The following CNPY1 variants were observed in gnomAD, a reference collection of about 807,000 sequenced individuals.
CNPY1 encodes canopy FGF signaling regulator 1.
CNPY1 carries 14 observed loss-of-function variants against 14.4 expected under a neutral mutation model. That is an observed-to-expected ratio of 0.97 (90% CI 0.64 to 1.52). The LOEUF is 1.52. CNPY1 is among the 40% of genes most tolerant of loss of function. CNPY1 has a pLI of 0.00. For synonymous variants in CNPY1, 43 were observed against 46.5 expected (o/e 0.92, Z 0.31); for missense variants, 129 against 131.5 (o/e 0.98, Z 0.09).
At chr7:155,545,392 C>T (rs1797146737) in intron 2 of CNPY1, among the ~76,000 whole-genome samples, 1 of 152,216 alleles carries the variant, frequency 6.6e-6, no homozygotes. Context: ...CCATAGCCAA[C>T]TGTCCGGTCT....
intron 2 of CNPY1, among the ~76,000 whole-genome samples, chr7:155,509,720 C>T (rs1796469417): frequency 6.6e-6 from 1 of 152,190 alleles, no homozygotes; most frequent in Admixed American, 6.5e-5. Flanking sequence ...AAGGGGCTCA[C>T]GGACGGGCGC....
intron 4 of CNPY1, among the ~76,000 whole-genome samples, chr7:155,505,167 A>G (rs1796261030): frequency 6.6e-6 from 1 of 152,174 alleles, no homozygotes; most frequent in African/African-American, 2.4e-5. Context: ...TTAACTTATG[A>G]GTGGTTTAGA....
chr7:155,530,040 C>T (rs961761103), intron 2 of CNPY1, among the ~76,000 whole-genome samples: 2 of 152,164 alleles, frequency 1.3e-5, no homozygotes, highest in African/African-American at 4.8e-5. Context: ...ACCTCAGCCT[C>T]CCAAATTACG....
At chr7:155,511,763 A>C (rs182651896) in intron 2 of CNPY1, among the ~76,000 whole-genome samples, 2 of 152,352 alleles carry the variant, frequency 1.3e-5, no homozygotes, top group Non-Finnish European at 2.9e-5. Flanking sequence ...CAGGAAAGGG[A>C]AAACAGCCAG....
At chr7:155,532,363 T>C (rs1585330123) in intron 2 of CNPY1, among the ~76,000 whole-genome samples, 2 of 152,208 alleles carry the variant, frequency 1.3e-5, no homozygotes, top group South Asian at 2.1e-4. Flanking sequence ...TGGCTCACGC[T>C]TGTACTCCCA....
intron 2 of CNPY1, among the ~76,000 whole-genome samples, chr7:155,541,790 G>T (rs539185235): frequency 6.6e-6 from 1 of 152,236 alleles, no homozygotes; most frequent in Non-Finnish European, 1.5e-5. Flanking sequence ...AGGAAGGGAA[G>T]TCTTCCAGCC....
intron 2 of CNPY1, among the ~76,000 whole-genome samples, chr7:155,514,368 C>A (rs1377195010): frequency 1.3e-5 from 2 of 152,162 alleles, no homozygotes; most frequent in Non-Finnish European, 2.9e-5. Context: ...CATCGATTGT[C>A]GTCAACTGTT....
At chr7:155,531,615 C>T (rs1439489827) in intron 2 of CNPY1, among the ~76,000 whole-genome samples, 3 of 152,170 alleles carry the variant, frequency 2.0e-5, no homozygotes, top group Non-Finnish European at 2.9e-5. Flanking sequence ...CCCACAGAGA[C>T]ACAGCCAGCG....
At chr7:155,520,963 T>C (rs1166058456) in intron 2 of CNPY1, among the ~76,000 whole-genome samples, 1 of 151,324 alleles carries the variant, frequency 6.6e-6, no homozygotes, top group Non-Finnish European at 1.5e-5. Flanking sequence ...CCCATCTCCA[T>C]TAAAAATATA....
At chr7:155,506,151 T>C (rs758977506) in intron 4 of CNPY1, among the ~76,000 whole-genome samples, 18 of 152,244 alleles carry the variant, frequency 1.2e-4, no homozygotes, top group Non-Finnish European at 1.5e-4. Context: ...TATTATATAC[T>C]TTATTGTAAA....
At chr7:155,523,381 G>A (rs1377619599) in intron 2 of CNPY1, among the ~76,000 whole-genome samples, 2 of 152,190 alleles carry the variant, frequency 1.3e-5, no homozygotes, top group Non-Finnish European at 2.9e-5. Context: ...TGTTTCACGA[G>A]GGGCTGCAAA....
At chr7:155,503,824 T>C (rs1038422003) in intron 4 of CNPY1, among the ~76,000 whole-genome samples, 3 of 152,196 alleles carry the variant, frequency 2.0e-5, no homozygotes, top group Non-Finnish European at 2.9e-5. Flanking sequence ...CAGAATATAT[T>C]TGTGTATTTA....
chr7:155,527,054 C>CTTTCTTTCTTTCTTTCTTTTTT (rs56296833), intron 2 of CNPY1, among the ~76,000 whole-genome samples: 18 of 90,346 alleles, frequency 2.0e-4, no homozygotes, highest in South Asian at 4.3e-4. Context: ...TTCTTTCTTT[C>CTTTCTTTCTTTCTTTCTTTTTT]TTTTTTTTTT....
intron 2 of CNPY1, among the ~76,000 whole-genome samples, chr7:155,540,530 G>A (rs1797071617): frequency 6.6e-6 from 1 of 152,222 alleles, no homozygotes; most frequent in Admixed American, 6.5e-5. Context: ...AGGTGTTGGT[G>A]CAAACCGGAT....
intron 2 of CNPY1, among the ~76,000 whole-genome samples, chr7:155,514,234 T>C (rs190152599): frequency 3.9e-5 from 6 of 152,342 alleles, no homozygotes; most frequent in African/African-American, 1.4e-4. Context: ...CTTCTCTAAT[T>C]CCGACGTTTA....
intron 2 of CNPY1, among the ~76,000 whole-genome samples, chr7:155,523,797 A>T (rs377692858): frequency 6.6e-6 from 1 of 152,218 alleles, no homozygotes; most frequent in African/African-American, 2.4e-5. Flanking sequence ...GGGTCTTTGC[A>T]GATACACTCA....
At chr7:155,519,562 T>TA (rs1484145913) in intron 2 of CNPY1, among the ~76,000 whole-genome samples, 2 of 136,520 alleles carry the variant, frequency 1.5e-5, no homozygotes, top group East Asian at 2.0e-4. Flanking sequence ...AATAAATAAA[T>TA]AAGAAAGAAA....
At chr7:155,515,305 C>A (rs115039525) in intron 2 of CNPY1, among the ~76,000 whole-genome samples, 30,757 of 143,204 alleles carry the variant, frequency 0.21, 3,524 homozygotes, top group East Asian at 0.33. Flanking sequence ...CCCCCCCCCC[C>A]CCCGGCCCCG....
At chr7:155,524,017 CCT>C (rs944516504) in intron 2 of CNPY1, among the ~76,000 whole-genome samples, 45 of 152,296 alleles carry the variant, frequency 3.0e-4, no homozygotes, top group African/African-American at 1.0e-3. Flanking sequence ...CTAGATTTTC[CCT>C]CTGAGCCCCC....
Sources: gnomAD v4.1 joint callset for allele counts (sites outside exome capture counted in the v4.1 genomes callset) on GRCh38, gnomAD v4.1.1 for gene constraint, MANE v1.5 for transcripts, NCBI Gene and HGNC (gene_info 2026-07-23, HGNC 2026-07-21) for gene names.